GALNTL6: variants seen among roughly 807,000 people sequenced by gnomAD.
GALNTL6 encodes polypeptide N-acetylgalactosaminyltransferase like 6, also known as polypeptide N-acetylgalactosaminyltransferase-like 6.
In GALNTL6, 46 loss-of-function variants were observed where a neutral mutation model predicts 73.7. The ratio of observed to expected loss-of-function variants is 0.62; its 90% CI spans 0.49 to 0.80. The LOEUF is 0.80. Ranked by LOEUF, GALNTL6 falls within the 30% of genes least tolerant of loss-of-function variation. GALNTL6 has a pLI of 0.00. For missense variants in GALNTL6, 604 were observed against 755.0 expected, an observed-to-expected ratio of 0.80 and a Z score of 2.34; for synonymous variants, 259 against 263.7, an observed-to-expected ratio of 0.98 and a Z score of 0.17.
At chr4:171,830,204 T>C (rs979176464) in intron 2 of GALNTL6, among the ~76,000 whole-genome samples, 4 of 152,130 alleles carry the variant, frequency 2.6e-5, no homozygotes, top group Admixed American at 6.6e-5. Flanking sequence ...GATTCTCTAA[T>C]AGAACTTCCA....
intron 3 of GALNTL6, among the ~76,000 whole-genome samples, chr4:172,302,670 T>C (rs536204282): frequency 6.6e-6 from 1 of 152,356 alleles, no homozygotes; most frequent in East Asian, 1.9e-4. Context: ...CTAAAAAATT[T>C]GTATAAGAAT....
chr4:172,661,359 C>T (rs1731361136), intron 5 of GALNTL6, among the ~76,000 whole-genome samples: 1 of 152,162 alleles, frequency 6.6e-6, no homozygotes, highest in South Asian at 2.1e-4. Flanking sequence ...CTCATCAAGC[C>T]TTTATCATTG....
intron 2 of GALNTL6, among the ~76,000 whole-genome samples, chr4:171,939,867 A>C (rs142861471): frequency 0.012 from 1,882 of 152,236 alleles, 46 homozygotes; most frequent in African/African-American, 0.043. Flanking sequence ...CATGCCTGAA[A>C]CAATAAACAG....
intron 8 of GALNTL6, among the ~76,000 whole-genome samples, chr4:172,909,797 A>T (rs933374699): frequency 2.0e-5 from 3 of 152,058 alleles, no homozygotes; most frequent in Non-Finnish European, 4.4e-5. Context: ...CCAAAGATAA[A>T]CTCACACCTG....
chr4:171,998,963 A>G (rs1293619370), intron 2 of GALNTL6, among the ~76,000 whole-genome samples: 2 of 152,164 alleles, frequency 1.3e-5, no homozygotes, highest in African/African-American at 2.4e-5. Flanking sequence ...TTACAGCCTC[A>G]TACCCTCAAG....
chr4:172,520,806 C>G (rs980151586), intron 5 of GALNTL6, among the ~76,000 whole-genome samples: 1 of 151,818 alleles, frequency 6.6e-6, no homozygotes, highest in Non-Finnish European at 1.5e-5. Flanking sequence ...TTACTATTTC[C>G]TTTATTGTTA....
At chr4:172,078,297 C>G (rs1731771473) in intron 2 of GALNTL6, among the ~76,000 whole-genome samples, 1 of 152,102 alleles carries the variant, frequency 6.6e-6, no homozygotes, top group African/African-American at 2.4e-5. Context: ...GGCACATCCC[C>G]CTTTGCTCAC....
chr4:172,977,723 G>A (rs1684489628), intron 10 of GALNTL6, among the ~76,000 whole-genome samples: 1 of 152,180 alleles, frequency 6.6e-6, no homozygotes, highest in Non-Finnish European at 1.5e-5. Context: ...TGGGTGGGAA[G>A]AGGTGTTACT....
At chr4:173,034,993 A>G (rs1199859420) in intron 12 of GALNTL6, among the ~76,000 whole-genome samples, 1 of 151,928 alleles carries the variant, frequency 6.6e-6, no homozygotes, top group Non-Finnish European at 1.5e-5. Flanking sequence ...ATATTATTTT[A>G]TATATTTTTT....
chr4:172,027,144 C>T (rs1345273960), intron 2 of GALNTL6, among the ~76,000 whole-genome samples: 1 of 152,140 alleles, frequency 6.6e-6, no homozygotes, highest in African/African-American at 2.4e-5. Flanking sequence ...CCTCCCACTT[C>T]AACCTCCCAA....
At chr4:172,558,307 AGGG>A in intron 5 of GALNTL6, among the ~76,000 whole-genome samples, 1 of 152,336 alleles carries the variant, frequency 6.6e-6, no homozygotes, top group Admixed American at 6.5e-5. Context: ...AAGTTAAATG[AGGG>A]GTTATGAACT....
chr4:172,556,322 T>C (rs1339392191), intron 5 of GALNTL6, among the ~76,000 whole-genome samples: 2 of 152,006 alleles, frequency 1.3e-5, no homozygotes, highest in Non-Finnish European at 2.9e-5. Context: ...AGGGGAGTTT[T>C]GGATGCCATG....
intron 5 of GALNTL6, among the ~76,000 whole-genome samples, chr4:172,756,640 A>T (rs1737770611): frequency 6.8e-6 from 1 of 146,450 alleles, no homozygotes; most frequent in African/African-American, 2.5e-5. Context: ...CGTGTGACTA[A>T]AAAAAAAAAA....
chr4:172,714,763 A>G (rs1540467), intron 5 of GALNTL6, among the ~76,000 whole-genome samples: 146,354 of 152,188 alleles, frequency 0.96, 70,633 homozygotes, highest in East Asian at 1. Context: ...ATAAATTGAG[A>G]GGAGTGTGGG....
intron 5 of GALNTL6, among the ~76,000 whole-genome samples, chr4:172,798,464 C>A (rs1451951127): frequency 1.3e-5 from 2 of 152,130 alleles, no homozygotes; most frequent in Non-Finnish European, 2.9e-5. Flanking sequence ...CTACTCTGGC[C>A]ACGTGATGTG....
chr4:171,910,995 C>T (rs1302477779), intron 2 of GALNTL6, among the ~76,000 whole-genome samples: 3 of 151,958 alleles, frequency 2.0e-5, no homozygotes, highest in Non-Finnish European at 4.4e-5. Context: ...CAAATTATTC[C>T]TAATATATTC....
chr4:172,584,471 G>A (rs778304204), intron 5 of GALNTL6, among the ~76,000 whole-genome samples: 2 of 152,156 alleles, frequency 1.3e-5, no homozygotes, highest in African/African-American at 2.4e-5. Context: ...GATTGGAATG[G>A]GCAATGAGAG....
intron 5 of GALNTL6, among the ~76,000 whole-genome samples, chr4:172,395,988 C>T (rs1219006361): frequency 6.6e-6 from 1 of 152,146 alleles, no homozygotes; most frequent in Non-Finnish European, 1.5e-5. Context: ...TGTACAGAAG[C>T]AGCAAGTGCT....
intron 2 of GALNTL6, among the ~76,000 whole-genome samples, chr4:171,886,658 T>C (rs567958954): frequency 2.0e-5 from 3 of 152,232 alleles, no homozygotes; most frequent in Middle Eastern, 3.4e-3. Context: ...ACGTGTCATA[T>C]GGTGGCAATC....
Sources: allele counts gnomAD v4.1 joint callset (sites outside exome capture counted in the v4.1 genomes callset), GRCh38; gene constraint gnomAD v4.1.1; transcripts MANE v1.5; gene names NCBI Gene and HGNC (gene_info 2026-07-23, HGNC 2026-07-21).